STK17B: variants seen among roughly 807,000 people sequenced by gnomAD.
The protein encoded by STK17B is serine/threonine-protein kinase 17B.
In STK17B, 21 loss-of-function variants were observed where a neutral mutation model predicts 42.0. The ratio of observed to expected loss-of-function variants is 0.50; its 90% CI spans 0.35 to 0.72. The LOEUF is 0.72. Ranked by LOEUF, STK17B falls within the 30% of genes least tolerant of loss-of-function variation. The pLI, the probability that STK17B is intolerant of heterozygous loss-of-function variation, is 0.00. For synonymous variants in STK17B, 143 were observed against 148.4 expected (o/e 0.96, Z 0.26); for missense variants, 349 against 446.0 (o/e 0.78, Z 1.96).
chr2:196,168,382 C>T (rs1163493098), intron 1 of STK17B, among the ~76,000 whole-genome samples: 1 of 152,122 alleles, frequency 6.6e-6, no homozygotes, highest in Non-Finnish European at 1.5e-5. Flanking sequence ...CCGGGGTGGG[C>T]AACAAATGCA....
At chr2:196,173,672 G>A (rs1332471164), upstream of STK17B, among the ~76,000 whole-genome samples, 1 of 152,152 alleles carries the variant, frequency 6.6e-6, no homozygotes, top group Admixed American at 6.5e-5. Context: ...ATATGTTCCT[G>A]CTCTCATTCC....
rs1315744909 is a variant in STK17B at position 196,134,578 on chromosome 2, G to C, written c.*2869C>G. 1 of 152,164 alleles carries C rather than the reference G, an allele frequency of 6.6e-6. No homozygotes were observed. Among genetic ancestry groups the C allele is most frequent in the Admixed American group, 6.5e-5 (1 of 15,272 alleles). The allele number at this position is 152,164 out of a possible 1,614,324, so 9.4% of individuals were successfully genotyped here. A position where few individuals can be genotyped will look rare whatever the true frequency, so the allele number is the denominator to read the frequency against. ...AAAACAGTTGGAGATCGCTCCACTA[G>C]AGAACAGTTAACGGCTTACTTCCTT... On this transcript the variant is annotated 3_prime_UTR_variant, in exon 8 of 8. Transcript: ENST00000263955.
In STK17B at chr2:196,160,582, A is replaced by C. The variant is rs146046996; in HGVS notation, c.122+2680T>G. ...TATGATTCTAATTTCCATTTCACAA[A>C]AGCATAGGATATTAAAATTGGTAAC... On this transcript the variant is annotated intron_variant, in intron 2 of 7. Coordinates refer to ENST00000263955, the MANE Select transcript of STK17B (RefSeq NM_004226.4). Among the ~76,000 whole-genome samples, 633 of 152,312 alleles carry C rather than the reference A, an allele frequency of 4.2e-3. 2 individuals are homozygous for C. Among genetic ancestry groups the C allele is most frequent in the Non-Finnish European group, 7.2e-3 (488 of 68,010 alleles).
intron 3 of STK17B, among the ~76,000 whole-genome samples, chr2:196,150,762 A>G (rs994219105): frequency 5.3e-5 from 8 of 152,224 alleles, no homozygotes. Flanking sequence ...TTTGAATATT[A>G]AGAGTCTCTT....
chr2:196,144,486 C>CAAAAAAAAAAA (rs869118381), intron 4 of STK17B, among the ~76,000 whole-genome samples: 3 of 55,956 alleles, frequency 5.4e-5, no homozygotes, highest in Non-Finnish European at 1.0e-4. Context: ...GACTCTGTCT[C>CAAAAAAAAAAA]AAAAAAAAAA....
intron 3 of STK17B, among the ~76,000 whole-genome samples, chr2:196,148,182 G>T (rs1699610610): frequency 6.6e-6 from 1 of 152,126 alleles, no homozygotes; most frequent in African/African-American, 2.4e-5. Context: ...TCTAAAAAAA[G>T]AAATACACTA....
intron 2 of STK17B, among the ~76,000 whole-genome samples, chr2:196,158,283 G>C (rs1013830421): frequency 6.6e-6 from 1 of 152,102 alleles, no homozygotes; most frequent in African/African-American, 2.4e-5. Flanking sequence ...AGATGACAAA[G>C]AGTCCTACTT....
At chr2:196,166,998 A>G (rs548772035) in intron 1 of STK17B, among the ~76,000 whole-genome samples, 103 of 152,334 alleles carry the variant, frequency 6.8e-4, no homozygotes, top group African/African-American at 2.4e-3. Context: ...CTCTGAGGCC[A>G]AGTATACACC....
At chr2:196,174,622 C>T (rs561647075), upstream of STK17B, among the ~76,000 whole-genome samples, 2 of 152,302 alleles carry the variant, frequency 1.3e-5, no homozygotes, top group East Asian at 3.9e-4. Flanking sequence ...CGTGGCTCAA[C>T]CCCCCACCCA....
At chr2:196,171,010 CG>C in intron 1 of STK17B, 1 of 152,796 alleles carries the variant, frequency 6.5e-6, no homozygotes, top group Non-Finnish European at 1.5e-5. Flanking sequence ...TGGGGAGAGC[CG>C]GGGCCGGCCG....
chr2:196,140,919 A>G (rs1699485368), intron 6 of STK17B, among the ~76,000 whole-genome samples: 1 of 152,120 alleles, frequency 6.6e-6, no homozygotes, highest in African/African-American at 2.4e-5. Context: ...CCGGCAATGG[A>G]CTGTCTGCTG....
chr2:196,143,711 G>A, intron 4 of STK17B, 25 bp from the exon 5 acceptor site: 1 of 1,480,434 alleles, frequency 6.8e-7, no homozygotes, highest in Non-Finnish European at 9.0e-7. Context: ...ACAAAAACAT[G>A]ATAAGTAATA....
At chr2:196,137,777 G>A in intron 7 of STK17B, 48 bp from the exon 8 acceptor site, 2 of 1,561,508 alleles carry the variant, frequency 1.3e-6, no homozygotes, top group Non-Finnish European at 1.7e-6. Flanking sequence ...AAATCAAGTT[G>A]AAAATGTCTT....
intron 1 of STK17B, among the ~76,000 whole-genome samples, chr2:196,167,527 T>C (rs139225495): frequency 6.6e-6 from 1 of 152,352 alleles, no homozygotes; most frequent in East Asian, 1.9e-4. Flanking sequence ...ACAAATAAAG[T>C]AACTATTTTA....
chr2:196,158,441 T>C (rs1377843548), intron 2 of STK17B, among the ~76,000 whole-genome samples: 1 of 152,226 alleles, frequency 6.6e-6, no homozygotes, highest in African/African-American at 2.4e-5. Context: ...AAAGCAGTTT[T>C]AAGATTTGAG....
At chr2:196,175,627 CAAAAAT>C (rs1021905347), upstream of STK17B, among the ~76,000 whole-genome samples, 4 of 152,068 alleles carry the variant, frequency 2.6e-5, no homozygotes, top group Non-Finnish European at 5.9e-5. Flanking sequence ...GACTCTGTCT[CAAAAAT>C]AAATAAAGTT....
chr2:196,157,371 G>A (rs554108957), intron 2 of STK17B, among the ~76,000 whole-genome samples: 1 of 152,162 alleles, frequency 6.6e-6, no homozygotes, highest in East Asian at 1.9e-4. Context: ...ACCCTTCATA[G>A]GGTATCATGT....
In STK17B at chr2:196,155,753, C is replaced by A. The variant is rs3828339; in HGVS notation, c.335+686G>T. Among the ~76,000 whole-genome samples, 114 of 152,300 alleles carry A rather than the reference C, an allele frequency of 7.5e-4. 2 individuals carry two copies. The East Asian group carries it at 0.02, about 27-fold the overall frequency. On this transcript the variant is annotated intron_variant, in intron 3 of 7. Coordinates refer to ENST00000263955, the MANE Select transcript of STK17B (RefSeq NM_004226.4). ...CAGACAATCATGCAACAAAGGCACT[C>A]TGTAAGAGTCACATGTCAATATACT...
intron 2 of STK17B, among the ~76,000 whole-genome samples, chr2:196,158,985 TG>T (rs1426916201): frequency 3.6e-5 from 5 of 138,976 alleles, no homozygotes; most frequent in African/African-American, 1.4e-4. Context: ...CACTCCAGCC[TG>T]GGGGACAGAG....
Sources: gnomAD v4.1 joint callset for allele counts (sites outside exome capture counted in the v4.1 genomes callset) on GRCh38, gnomAD v4.1.1 for gene constraint, MANE v1.5 for transcripts, NCBI Gene and HGNC (gene_info 2026-07-23, HGNC 2026-07-21) for gene names.